The following LYSMD1 variants were observed in gnomAD, a reference collection of about 807,000 sequenced individuals.
The protein encoded by LYSMD1 is LysM domain containing 1, also known as lysM and putative peptidoglycan-binding domain-containing protein 1.
Under a neutral mutation model 19.3 loss-of-function variants are expected in LYSMD1, and 9 were observed. The observed-to-expected ratio is 0.47, with a 90% CI of 0.28 to 0.81. LYSMD1 has a LOEUF of 0.81. Ranked by LOEUF, LYSMD1 falls within the 40% of genes least tolerant of loss-of-function variation. The pLI, the probability that LYSMD1 is intolerant of heterozygous loss-of-function variation, is 0.11. For synonymous variants in LYSMD1, 111 were observed against 111.7 expected (o/e 0.99, Z 0.04); for missense variants, 262 against 279.8 (o/e 0.94, Z 0.45).
the LYSMD1 span, among the ~76,000 whole-genome samples, chr1:151,151,916 C>T: frequency 4.5e-4 from 65 of 142,944 alleles, 1 homozygote; most frequent in South Asian, 0.013. Context: ...GCAACAAGAG[C>T]GAAACTCCAT....
At chr1:151,156,100 CAAAAAAAAAAA>C (rs751524835), downstream of LYSMD1, among the ~76,000 whole-genome samples, 4 of 38,120 alleles carry the variant, frequency 1.0e-4, no homozygotes, top group East Asian at 1.3e-3. Context: ...AACTCTGTCT[CAAAAAAAAAAA>C]AAAAAAAAAA....
Position 151,160,727 on chromosome 1 carries a change from G to T in LYSMD1, c.*155C>A. 1.1e-6 allele frequency: 1 copy of T among 889,534 alleles called. No homozygotes were observed. The highest frequency in any genetic ancestry group is 1.7e-6 in the Non-Finnish European group (1 of 598,250). The allele number at this position is 889,534 out of a possible 1,614,324, so 55.1% of individuals were successfully genotyped here. On this transcript the variant is annotated 3_prime_UTR_variant, in exon 3 of 3. Coordinates refer to ENST00000368908, the MANE Select transcript of LYSMD1 (RefSeq NM_212551.5). ...AATCTTGCCAATAAAACTGCCCCAG[G>T]CCAAGGAATTTTTGGCAGACAAGGA... is the stretch of plus-strand genomic sequence containing the variant.
chr1:151,150,633 G>A, the LYSMD1 span, among the ~76,000 whole-genome samples: 1 of 151,812 alleles, frequency 6.6e-6, no homozygotes, highest in African/African-American at 2.4e-5. Context: ...GGCTCCTGAG[G>A]TCCCTCTTTC....
downstream of LYSMD1, among the ~76,000 whole-genome samples, chr1:151,154,816 T>C (rs1683182461): frequency 1.3e-5 from 2 of 152,046 alleles, no homozygotes; most frequent in African/African-American, 4.8e-5. Flanking sequence ...CAGCTAATTT[T>C]TGTATTTTTA....
chr1:151,160,254 A>AAAAAAAAAAAAAAAAAAAAAC lies in LYSMD1; in HGVS notation c.*627_*628insGTTTTTTTTTTTTTTTTTTTT, dbSNP rs1203003603. 1 of 147,330 alleles carries AAAAAAAAAAAAAAAAAAAAAC rather than the reference A, an allele frequency of 6.8e-6. No homozygotes were observed. The highest frequency in any genetic ancestry group is 1.5e-5 in the Non-Finnish European group (1 of 66,756). 9.1% of individuals were successfully genotyped at this position (147,330 alleles called of 1,614,324 possible). On this transcript the variant is annotated 3_prime_UTR_variant, in exon 3 of 3. Transcript: ENST00000368908. Reference sequence around the variant, plus strand: ...ATGGGGTACCAAAAAAAAAAAAAAAAAGAATCAGCCCAAATCTGTCACTTT... The same window carrying AAAAAAAAAAAAAAAAAAAAAC: ...ATGGGGTACCAAAAAAAAAAAAAAAAAAAAAAAAAAAAAAAAAAAACAGAATCAGCCCAAATCTGTCACTTT...
chr1:151,165,775 C>A lies in LYSMD1; in HGVS notation c.-517G>T. ...CCACTCAGAGATCCTCAAAGGTCCGCTCCGCATAAGATAGGTCACACCCTC... is the reference window on the plus strand; with the variant it reads ...CCACTCAGAGATCCTCAAAGGTCCGATCCGCATAAGATAGGTCACACCCTC... On this transcript the variant is annotated 5_prime_UTR_variant, in exon 1 of 3. Coordinates refer to ENST00000368908, the MANE Select transcript of LYSMD1 (RefSeq NM_212551.5). The A allele has an allele frequency of 6.4e-7, 1 of 1,551,710 alleles. No homozygotes were observed. The highest frequency in any genetic ancestry group is 8.7e-7 in the Non-Finnish European group (1 of 1,146,958).
the LYSMD1 span, among the ~76,000 whole-genome samples, chr1:151,153,882 G>A: frequency 1.3e-5 from 2 of 151,848 alleles, no homozygotes; most frequent in African/African-American, 4.8e-5. Context: ...GAACCCGGGA[G>A]GCAGAGGTTG....
At chr1:151,151,013 C>A in the LYSMD1 span, among the ~76,000 whole-genome samples, 1 of 152,070 alleles carries the variant, frequency 6.6e-6, no homozygotes, top group Non-Finnish European at 1.5e-5. Flanking sequence ...GTTGGGATTA[C>A]AGGTGTGAGC....
the LYSMD1 span, among the ~76,000 whole-genome samples, chr1:151,151,759 G>A: frequency 9.3e-5 from 14 of 151,304 alleles, no homozygotes; most frequent in African/African-American, 2.9e-4. Context: ...GAGAAACCCC[G>A]TCTCTACTAA....
the LYSMD1 span, among the ~76,000 whole-genome samples, chr1:151,151,374 T>G: frequency 2.8e-5 from 4 of 142,946 alleles, no homozygotes; most frequent in Non-Finnish European, 6.1e-5. Flanking sequence ...TTTTTTTTTG[T>G]ATTTTCAGTA....
the LYSMD1 span, among the ~76,000 whole-genome samples, chr1:151,149,065 G>T: frequency 6.6e-6 from 1 of 152,186 alleles, no homozygotes; most frequent in African/African-American, 2.4e-5. Context: ...AGAAATACAT[G>T]AATCTGAGAG....
chr1:151,156,160 T>C (rs1224276616), downstream of LYSMD1, among the ~76,000 whole-genome samples: 3 of 146,780 alleles, frequency 2.0e-5, no homozygotes, highest in Non-Finnish European at 4.5e-5. Context: ...TCTACGCTAG[T>C]GATTCAGTGC....
chr1:151,163,648 C>T (rs1016514280), intron 1 of LYSMD1, among the ~76,000 whole-genome samples: 7 of 152,126 alleles, frequency 4.6e-5, no homozygotes, highest in Non-Finnish European at 1.0e-4. Flanking sequence ...CTGCCTCAGC[C>T]TCCCCAGTAG....
chr1:151,159,447 G>A (rs1683357229), downstream of LYSMD1: 7 of 595,182 alleles, frequency 1.2e-5, no homozygotes, highest in African/African-American at 3.7e-5. Flanking sequence ...GCTGAGGGGT[G>A]AGGCCTCTCT....
At chr1:151,163,708 T>G (rs1423462630) in intron 1 of LYSMD1, among the ~76,000 whole-genome samples, 1 of 149,278 alleles carries the variant, frequency 6.7e-6, no homozygotes, top group Non-Finnish European at 1.5e-5. Flanking sequence ...TTGTATTTGT[T>G]GTAGAGATGG....
At chr1:151,149,146 T>G in the LYSMD1 span, among the ~76,000 whole-genome samples, 1 of 152,118 alleles carries the variant, frequency 6.6e-6, no homozygotes, top group Non-Finnish European at 1.5e-5. Context: ...ATCCCAGCAC[T>G]TTGGGAGGCC....
downstream of LYSMD1, among the ~76,000 whole-genome samples, chr1:151,156,223 T>C (rs11811310): frequency 0.011 from 1,686 of 151,302 alleles, 45 homozygotes; most frequent in African/African-American, 0.039. Flanking sequence ...TCCCAGCACC[T>C]TCCTCCCTTC....
In LYSMD1 at chr1:151,165,029, G is replaced by C. The variant is rs1226860005; in HGVS notation, c.180+50C>G. Reference sequence around the variant, plus strand: ...AGAAGGGCCACTACATTCTTCTCAGGACTAAATCCCTCCTGACTGTTGTCT... The same window carrying C: ...AGAAGGGCCACTACATTCTTCTCAGCACTAAATCCCTCCTGACTGTTGTCT... On this transcript the variant is annotated intron_variant, in intron 1 of 2. Transcript: ENST00000368908. 5 of 1,542,110 alleles carry C rather than the reference G, an allele frequency of 3.2e-6. No homozygotes were observed. In the South Asian group the frequency reaches 5.8e-5, roughly 18 times the overall value.
At position 151,165,250 on chromosome 1, in the gene LYSMD1, G is replaced by A. The variant is rs759017276; in HGVS notation, c.9C>T (p.Ser3=). The A allele has an allele frequency of 1.1e-5, 17 of 1,612,104 alleles. No homozygotes were observed. The highest frequency in any genetic ancestry group is 8.9e-5 in the East Asian group (4 of 44,842). ...CCCCTGGCGGGGGCTGTCTAGACGG[G>A]GAAGCCATCTCTTCACCCTGCCAAC... The part of the protein sequence containing the change: MA[S]PSRQPPPGGS... The change falls in exon 1 of 3, where the codon TCC becomes TCT. Residue 3 remains serine, a synonymous_variant. Coordinates refer to ENST00000368908, the MANE Select transcript of LYSMD1 (RefSeq NM_212551.5).
Sources: allele counts gnomAD v4.1 joint callset (sites outside exome capture counted in the v4.1 genomes callset), GRCh38; gene constraint gnomAD v4.1.1; transcripts MANE v1.5; gene names NCBI Gene and HGNC (gene_info 2026-07-23, HGNC 2026-07-21).